KRT39: variants seen among roughly 807,000 people sequenced by gnomAD.
The protein encoded by KRT39 is keratin 39, also known as keratin, type I cytoskeletal 39.
In KRT39, 47 loss-of-function variants were observed where a neutral mutation model predicts 54.8. The ratio of observed to expected loss-of-function variants is 0.86; its 90% CI spans 0.68 to 1.09. The LOEUF (loss-of-function observed/expected upper bound fraction) is 1.09, where lower values mean the gene tolerates loss of function less well. Ranked by LOEUF, KRT39 falls within the 50% of genes least tolerant of loss-of-function variation. KRT39 has a pLI of 0.00. For synonymous variants in KRT39, 207 were observed against 227.9 expected, an observed-to-expected ratio of 0.91 and a Z score of 0.83; for missense variants, 580 against 598.5, an observed-to-expected ratio of 0.97 and a Z score of 0.32.
Position 40,963,793 on chromosome 17 carries a change from C to T in KRT39, c.552-10G>A, listed in dbSNP as rs1911253289. On this transcript the variant is annotated splice_polypyrimidine_tract_variant and intron_variant, in intron 2 of 6. Coordinates refer to ENST00000355612, the MANE Select transcript of KRT39 (RefSeq NM_213656.4). ...CACCTCAGCTTCGTATCTTTAAAAA[C>T]CAGATGGGAAAAGAGAGACATCTGA... 2 of 1,566,608 alleles carry T rather than the reference C, an allele frequency of 1.3e-6. No homozygotes were observed.
intron 2 of KRT39, 95 bp from the exon 3 acceptor site, chr17:40,963,878 T>G: frequency 1.2e-6 from 1 of 855,430 alleles, no homozygotes; most frequent in South Asian, 2.1e-5. Flanking sequence ...TCTGGGCACC[T>G]CACTTAGTGT....
Position 40,958,715 on chromosome 17 carries a change from C to A in KRT39, c.1362G>T (p.Leu454=). The A allele has an allele frequency of 6.2e-7, 1 of 1,614,068 alleles. No homozygotes were observed. The change falls in exon 7 of 7, where the codon CTG becomes CTT. Residue 454 remains leucine (L), a synonymous_variant. Transcript: ENST00000355612. ...TGCAAATTTTAACCAGTATCCGGGA[C>A]AGGGGTCCGCAGGCACTGCAGTGCT... is the stretch of plus-strand genomic sequence containing the variant. ...LKEHCSACGP[L]SRILVKICTI...
intron 2 of KRT39, 199 bp downstream of exon 2, chr17:40,964,247 A>G (rs1911269642): frequency 5.2e-6 from 3 of 572,072 alleles, no homozygotes; most frequent in Admixed American, 6.2e-5. Flanking sequence ...TGGGTTCACA[A>G]GTTAGAAACT....
At chr17:40,962,606 A>G in intron 3 of KRT39, 43 bp from the exon 4 acceptor site, 1 of 1,561,738 alleles carries the variant, frequency 6.4e-7, no homozygotes, top group Non-Finnish European at 8.7e-7. Flanking sequence ...GTGAACAGAT[A>G]ACCCCTTTGT....
At position 40,963,736 on chromosome 17, in the gene KRT39, T is replaced by C. The variant is rs140549592; in HGVS notation, c.599A>G (p.Asn200Ser). The C allele has an allele frequency of 2.5e-6, 4 of 1,608,284 alleles. No homozygotes were observed. In the African/African-American group the frequency reaches 4.0e-5, roughly 16 times the overall value. The stretch of plus-strand genomic sequence containing the variant: ...CACATTCAGGATCTGCTTGAGGCCA[T>C]TGGCATCTGACTCTACCAGCTGGCG... ...SLRQLVESDA[N>S]GLKQILNVLT... The change falls in exon 3 of 7, where the codon AAT becomes AGT. Residue 200 changes from asparagine to serine, a missense_variant. By Grantham distance (46) the Asn-to-Ser change is conservative. Coordinates refer to ENST00000355612, the MANE Select transcript of KRT39 (RefSeq NM_213656.4).
At position 40,966,584 on chromosome 17, in the gene KRT39, G is replaced by A; in HGVS notation, c.273C>T (p.Gly91=). 2 of 1,614,176 alleles carry A rather than the reference G, an allele frequency of 1.2e-6. No homozygotes were observed. Among genetic ancestry groups the A allele is most frequent in the Non-Finnish European group, 1.7e-6 (2 of 1,180,022 alleles). Residue 91 remains glycine, a synonymous_variant, in exon 1 of 7, where the codon GGC becomes GGT. Transcript: ENST00000355612. The part of the protein sequence containing the change: ...SLDDCSWYGE[G]INSNEKETMQ... ...TGGTCTCCTTCTCATTACTGTTGAT[G>A]CCTTCACCATACCAGCTGCAGTCAT...
At chr17:40,962,714 C>T (rs1911207185) in intron 3 of KRT39, 151 bp from the exon 4 acceptor site, 1 of 662,322 alleles carries the variant, frequency 1.5e-6, no homozygotes, top group East Asian at 2.7e-5. Context: ...TATTGAGATG[C>T]TATAAAATGA....
chr17:40,965,481 T>G (rs1209777967), intron 1 of KRT39, among the ~76,000 whole-genome samples: 1 of 152,234 alleles, frequency 6.6e-6, no homozygotes, highest in Admixed American at 6.5e-5. Context: ...AGGGACTTTT[T>G]AAAGGTCACC....
At position 40,966,561 on chromosome 17, in the gene KRT39, G is replaced by T; in HGVS notation, c.296C>A (p.Thr99Asn). 1 of 1,614,156 alleles carries T rather than the reference G, an allele frequency of 6.2e-7. No individual in the cohort carries two copies. Among genetic ancestry groups the T allele is most frequent in the Non-Finnish European group, 8.5e-7 (1 of 1,180,030 alleles). ...GEGINSNEKE[T>N]MQILNERLAN... ...AAGGCGCTCGTTCAAGATTTGCATG[G>T]TCTCCTTCTCATTACTGTTGATGCC... Residue 99 changes from threonine (T) to asparagine (N), a missense_variant, in exon 1 of 7, where the codon ACC becomes AAC. Transcript: ENST00000355612.
At position 40,958,856 on chromosome 17, in the gene KRT39, A is replaced by T; in HGVS notation, c.1221T>A (p.Arg407=). ...RSLLESSDGK[R]PCYPRATKCE... ...ATTTGGTGGCACGTGGGTAACAGGG[A>T]CGCCTAAGGAAAAAAAACACAATTT... is the stretch of plus-strand genomic sequence containing the variant. The change falls in exon 7 of 7, where the codon CGT becomes CGA. Residue 407 remains arginine, a synonymous_variant. Transcript: ENST00000355612. The T allele has an allele frequency of 6.3e-7, 1 of 1,576,096 alleles. No homozygotes were observed. The highest frequency in any genetic ancestry group is 8.6e-7 in the Non-Finnish European group (1 of 1,160,484).
In KRT39 at chr17:40,960,261, G is replaced by T. The variant is rs111977451; in HGVS notation, c.1217+20C>A. The T allele has an allele frequency of 1.9e-6, 3 of 1,598,648 alleles. No individual in the cohort carries two copies. Among genetic ancestry groups the T allele is most frequent in the Non-Finnish European group, 1.7e-6 (2 of 1,172,336 alleles). On this transcript the variant is annotated intron_variant, in intron 6 of 6. Transcript: ENST00000355612. Reference sequence around the variant, plus strand: ...TCATTTACACTTTTTTGTCATAGAAGTTGCTGTTATTTTACATACTTGCCA... The same window carrying T: ...TCATTTACACTTTTTTGTCATAGAATTTGCTGTTATTTTACATACTTGCCA...
At chr17:40,958,909 G>A in intron 6 of KRT39, 50 bp from the exon 7 acceptor site, 3 of 1,512,608 alleles carry the variant, frequency 2.0e-6, no homozygotes, top group Non-Finnish European at 2.7e-6. Context: ...AGGCGATGAT[G>A]GTCATGGAGA....
chr17:40,963,797 A>C lies in KRT39; in HGVS notation c.552-14T>G. ...TCAGCTTCGTATCTTTAAAAACCAG[A>C]TGGGAAAAGAGAGACATCTGAAAGG... On this transcript the variant is annotated splice_polypyrimidine_tract_variant and intron_variant, in intron 2 of 6. Coordinates refer to ENST00000355612, the MANE Select transcript of KRT39 (RefSeq NM_213656.4). 8.9e-6 allele frequency: 14 copies of C among 1,566,384 alleles called. No homozygotes were observed. The highest frequency in any genetic ancestry group is 1.2e-5 in the Non-Finnish European group (14 of 1,144,796).
At chr17:40,963,355 T>A (rs1221635365) in intron 3 of KRT39, among the ~76,000 whole-genome samples, 1 of 152,126 alleles carries the variant, frequency 6.6e-6, no homozygotes, top group African/African-American at 2.4e-5. Context: ...TCTTCCCCCT[T>A]TGGTCTCTCT....
At position 40,966,609 on chromosome 17, in the gene KRT39, T is replaced by G. The variant is rs1453855727; in HGVS notation, c.248A>C (p.Asp83Ala). ...GCCTTCACCATACCAGCTGCAGTCATCCAGAGAAAAACGGGCATTGAAGTT... is the reference window on the plus strand; with the variant it reads ...GCCTTCACCATACCAGCTGCAGTCAGCCAGAGAAAAACGGGCATTGAAGTT... The part of the protein sequence containing the change: ...MNNFNARFSL[D>A]DCSWYGEGIN... The change falls in exon 1 of 7, where the codon GAT becomes GCT. Residue 83 changes from aspartate to alanine, a missense_variant. Transcript: ENST00000355612. The G allele has an allele frequency of 1.2e-6, 2 of 1,614,178 alleles. No individual in the cohort carries two copies. Among genetic ancestry groups the G allele is most frequent in the African/African-American group, 2.7e-5 (2 of 75,034 alleles).
rs754663687 is a variant in KRT39 at position 40,958,683 on chromosome 17, G to A, written c.1394C>T (p.Thr465Ile). 2.5e-6 allele frequency: 4 copies of A among 1,613,926 alleles called. No individual in the cohort carries two copies. In the East Asian group the frequency reaches 6.7e-5, roughly 27 times the overall value. ...GACCTTCCCATCCTTAATCTCCTTG[G>A]TGATGGTGCAAATTTTAACCAGTAT... is the stretch of plus-strand genomic sequence containing the variant. ...SRILVKICTI[T>I]KEIKDGKVIS... Residue 465 changes from threonine to isoleucine, a missense_variant, in exon 7 of 7, where the codon ACC becomes ATC. Thr to Ile is a moderately conservative substitution (Grantham distance 89). Transcript: ENST00000355612.
chr17:40,961,846 T>A (rs911110041), intron 5 of KRT39, among the ~76,000 whole-genome samples: 1 of 152,180 alleles, frequency 6.6e-6, no homozygotes, highest in African/African-American at 2.4e-5. Context: ...ATTAATACCA[T>A]GAGATGTTCT....
intron 2 of KRT39, 42 bp from the exon 3 acceptor site, chr17:40,963,825 A>G (rs780226869): frequency 2.0e-6 from 3 of 1,520,808 alleles, no homozygotes; most frequent in Non-Finnish European, 2.7e-6. Context: ...CTGAAAGGAG[A>G]TGATGCAAAC....
rs763060313 is a variant in KRT39 at position 40,966,439 on chromosome 17, A to G, written c.418T>C (p.Cys140Arg). The change falls in exon 1 of 7, where the codon TGT (cysteine) becomes CGT (arginine). Residue 140 changes from cysteine to arginine, a missense_variant. Coordinates refer to ENST00000355612, the MANE Select transcript of KRT39 (RefSeq NM_213656.4). ...EESNKELPVLCPDYLSYYTTI... is the reference protein window; with the variant it reads ...EESNKELPVLRPDYLSYYTTI... ...GTGTAGTAAGACAGGTAATCAGGAC[A>G]TAGAACAGGGAGCTCTTTGTTACTT... is the stretch of plus-strand genomic sequence containing the variant. 16 of 1,614,090 alleles carry G rather than the reference A, an allele frequency of 9.9e-6. No individual in the cohort carries two copies. The African/African-American group carries it at 1.9e-4, about 19-fold the overall frequency.
Sources: allele counts gnomAD v4.1 joint callset (sites outside exome capture counted in the v4.1 genomes callset), GRCh38; gene constraint gnomAD v4.1.1; transcripts MANE v1.5; gene names NCBI Gene and HGNC (gene_info 2026-07-23, HGNC 2026-07-21).